Variants in CSRNP3 observed in about 807,000 individuals in gnomAD.
CSRNP3 encodes cysteine/serine-rich nuclear protein 3.
CSRNP3 carries 12 observed loss-of-function variants against 48.0 expected under a neutral mutation model. The ratio of observed to expected loss-of-function variants is 0.25; its 90% CI spans 0.16 to 0.41. The LOEUF (loss-of-function observed/expected upper bound fraction) is 0.41. Among genes scored for constraint, CSRNP3 ranks in the 10% least tolerant of loss-of-function variants. CSRNP3 has a pLI of 1.00. For synonymous variants in CSRNP3, 263 were observed against 269.7 expected, an observed-to-expected ratio of 0.98 and a Z score of 0.24; for missense variants, 580 against 724.4, an observed-to-expected ratio of 0.80 and a Z score of 2.29.
chr2:165,546,416 T>A (rs1039853289), intron 3 of CSRNP3, among the ~76,000 whole-genome samples: 1 of 151,998 alleles, frequency 6.6e-6, no homozygotes, highest in Non-Finnish European at 1.5e-5. Flanking sequence ...TGGTCTTGAA[T>A]TCCTGACCTT....
chr2:165,564,690 C>T (rs1349705404), intron 3 of CSRNP3, among the ~76,000 whole-genome samples: 1 of 151,738 alleles, frequency 6.6e-6, no homozygotes. Flanking sequence ...TGTAAACATT[C>T]TTATTGTTTT....
intron 4 of CSRNP3, among the ~76,000 whole-genome samples, chr2:165,654,742 G>A (rs1686973976): frequency 6.6e-6 from 1 of 152,154 alleles, no homozygotes; most frequent in African/African-American, 2.4e-5. Flanking sequence ...CAATTCTCCT[G>A]CCTCAGCCTC....
intron 2 of CSRNP3, among the ~76,000 whole-genome samples, chr2:165,502,428 T>C (rs1168207906): frequency 6.6e-6 from 1 of 152,048 alleles, no homozygotes; most frequent in Non-Finnish European, 1.5e-5. Flanking sequence ...TTATATGCTT[T>C]ATCCTAACTA....
intron 4 of CSRNP3, among the ~76,000 whole-genome samples, chr2:165,633,011 T>C (rs1275587982): frequency 6.6e-6 from 1 of 152,240 alleles, no homozygotes; most frequent in East Asian, 1.9e-4. Context: ...CATTTTCTTA[T>C]GTCATACTTT....
chr2:165,625,787 G>T, intron 4 of CSRNP3, among the ~76,000 whole-genome samples: 1 of 151,024 alleles, frequency 6.6e-6, no homozygotes, highest in South Asian at 2.1e-4. Context: ...ACAAAAATTA[G>T]CCTGGTGCAG....
At chr2:165,471,754 C>T (rs1224849914) in intron 1 of CSRNP3, among the ~76,000 whole-genome samples, 9 of 151,930 alleles carry the variant, frequency 5.9e-5, no homozygotes, top group Admixed American at 4.6e-4. Context: ...CACTGGCAGA[C>T]GTCTGCAAGT....
intron 1 of CSRNP3, among the ~76,000 whole-genome samples, chr2:165,483,021 C>T (rs1016829720): frequency 2.0e-5 from 3 of 147,268 alleles, no homozygotes; most frequent in East Asian, 2.0e-4. Flanking sequence ...AGAGAACATA[C>T]GTATATGTGT....
At chr2:165,622,951 G>A (rs1686365169) in intron 4 of CSRNP3, among the ~76,000 whole-genome samples, 1 of 152,082 alleles carries the variant, frequency 6.6e-6, no homozygotes, top group Non-Finnish European at 1.5e-5. Flanking sequence ...ATGTTTTTAG[G>A]AATTTGCACT....
intron 4 of CSRNP3, among the ~76,000 whole-genome samples, chr2:165,623,369 T>C (rs772033942): frequency 1.3e-5 from 2 of 152,148 alleles, no homozygotes; most frequent in Non-Finnish European, 2.9e-5. Flanking sequence ...GAACCGCTCA[T>C]GCATGGGATC....
chr2:165,618,376 T>G (rs1407906826), intron 4 of CSRNP3, among the ~76,000 whole-genome samples: 1 of 152,198 alleles, frequency 6.6e-6, no homozygotes, highest in Non-Finnish European at 1.5e-5. Flanking sequence ...ACACTGTATT[T>G]GACATGTTAG....
chr2:165,611,688 A>T (rs1217492114), intron 4 of CSRNP3, among the ~76,000 whole-genome samples: 1 of 152,066 alleles, frequency 6.6e-6, no homozygotes, highest in Non-Finnish European at 1.5e-5. Flanking sequence ...TTTTAATCTT[A>T]ATTTTACAGA....
At chr2:165,573,994 A>G in intron 3 of CSRNP3, 1 of 182,174 alleles carries the variant, frequency 5.5e-6, no homozygotes, top group Non-Finnish European at 1.1e-5. Context: ...GGAGGGAGTA[A>G]GCAGTGAGAA....
intron 3 of CSRNP3, among the ~76,000 whole-genome samples, chr2:165,576,220 T>C (rs1422376462): frequency 1.3e-5 from 2 of 151,650 alleles, no homozygotes; most frequent in East Asian, 1.9e-4. Flanking sequence ...CACACACACA[T>C]ATATATATTT....
rs143834448 is a variant in CSRNP3, at chr2:165,668,049, C to G, written c.409-8263C>G. ...GCAAAGGATACACTGGTAAACAAGA[C>G]AGATGCCATCTCTGCTCTCAACATG... is the stretch of plus-strand genomic sequence containing the variant. On this transcript the variant is annotated intron_variant, in intron 5 of 6. Transcript: ENST00000651982. Among the ~76,000 whole-genome samples, 84 of 152,290 alleles carry G rather than the reference C, an allele frequency of 5.5e-4. No individual in the cohort carries two copies. In the East Asian group the frequency reaches 7.1e-3, roughly 13 times the overall value.
intron 3 of CSRNP3, among the ~76,000 whole-genome samples, chr2:165,593,532 T>C (rs968123234): frequency 2.0e-5 from 3 of 152,218 alleles, no homozygotes; most frequent in African/African-American, 7.2e-5. Flanking sequence ...TGCAAAATAC[T>C]GACTTAGACC....
rs897556051 is a variant in CSRNP3 at position 165,528,091 on chromosome 2, G to GT, written c.-24+10137dup. ...AATATTATGTCTATAAATTAGCAAA[G>GT]TTTTTTTATTACATATTTGTTTCCC... is the stretch of plus-strand genomic sequence containing the variant. On this transcript the variant is annotated intron_variant, in intron 3 of 6. Coordinates refer to ENST00000651982, the MANE Select transcript of CSRNP3 (RefSeq NM_001172173.2). Among the ~76,000 whole-genome samples, 6 of 152,026 alleles carry GT rather than the reference G, an allele frequency of 3.9e-5. No homozygotes were observed. The East Asian group carries it at 5.8e-4, about 15-fold the overall frequency.
At chr2:165,537,217 T>C (rs1684893106) in intron 3 of CSRNP3, among the ~76,000 whole-genome samples, 1 of 151,034 alleles carries the variant, frequency 6.6e-6, no homozygotes, top group East Asian at 1.9e-4. Flanking sequence ...AACTTCATGC[T>C]TTTTTTTCCT....
At chr2:165,599,319 A>AAGAAAGAAAGAAAGAAAGAC (rs1685869286) in intron 4 of CSRNP3, among the ~76,000 whole-genome samples, 1 of 150,420 alleles carries the variant, frequency 6.6e-6, no homozygotes, top group African/African-American at 2.4e-5. Context: ...GAAAGAAAGA[A>AAGAAAGAAAGAAAGAAAGAC]AGAAAGAAAG....
chr2:165,656,735 T>G (rs1387473855), intron 4 of CSRNP3, among the ~76,000 whole-genome samples: 1 of 152,182 alleles, frequency 6.6e-6, no homozygotes, highest in East Asian at 1.9e-4. Flanking sequence ...CCTTTTTGTG[T>G]GTGTTTTTAT....
Sources: allele counts gnomAD v4.1 joint callset (sites outside exome capture counted in the v4.1 genomes callset), GRCh38; gene constraint gnomAD v4.1.1; transcripts MANE v1.5; gene names NCBI Gene and HGNC (gene_info 2026-07-23, HGNC 2026-07-21).